The following NT5DC1 variants were observed in gnomAD, a reference collection of about 807,000 sequenced individuals.
NT5DC1 encodes 5'-nucleotidase domain-containing protein 1.
Under a neutral mutation model 59.4 loss-of-function variants are expected in NT5DC1, and 42 were observed. The observed-to-expected ratio is 0.71, with a 90% CI of 0.55 to 0.92. NT5DC1 has a LOEUF of 0.92. Among genes scored for constraint, NT5DC1 ranks in the 40% least tolerant of loss-of-function variants. The pLI is 0.00. For missense variants in NT5DC1, 501 were observed against 537.1 expected, an observed-to-expected ratio of 0.93 and a Z score of 0.66; for synonymous variants, 172 against 188.1, an observed-to-expected ratio of 0.91 and a Z score of 0.70.
At chr6:116,191,451 T>G (rs1435111563) in intron 6 of NT5DC1, among the ~76,000 whole-genome samples, 1 of 152,086 alleles carries the variant, frequency 6.6e-6, no homozygotes, top group African/African-American at 2.4e-5. Flanking sequence ...TGTTTTACAG[T>G]GTAAGAGGTT....
intron 6 of NT5DC1, among the ~76,000 whole-genome samples, chr6:116,179,463 A>G (rs1780825877): frequency 6.6e-6 from 1 of 152,138 alleles, no homozygotes; most frequent in Non-Finnish European, 1.5e-5. Flanking sequence ...ATCCTATCAA[A>G]AAGTAGGCTA....
chr6:116,125,776 G>T (rs1779283980), intron 6 of NT5DC1: 2 of 298,900 alleles, frequency 6.7e-6, no homozygotes, highest in African/African-American at 4.5e-5. Flanking sequence ...TTGGATGTCT[G>T]TATTAAATAA....
intron 6 of NT5DC1, among the ~76,000 whole-genome samples, chr6:116,126,286 T>C (rs1487232601): frequency 6.6e-6 from 1 of 152,206 alleles, no homozygotes; most frequent in African/African-American, 2.4e-5. Flanking sequence ...GGGCTCTCCT[T>C]TTCCTTGTTT....
At chr6:116,165,652 C>T (rs1338712704) in intron 6 of NT5DC1, among the ~76,000 whole-genome samples, 3 of 152,224 alleles carry the variant, frequency 2.0e-5, no homozygotes, top group African/African-American at 4.8e-5. Context: ...TACCAACCAC[C>T]AGTACCACCC....
chr6:116,218,435 GCT>G (rs1237916794), intron 6 of NT5DC1, among the ~76,000 whole-genome samples: 2 of 151,964 alleles, frequency 1.3e-5, no homozygotes, highest in Non-Finnish European at 2.9e-5. Flanking sequence ...TGCTACAAAA[GCT>G]TTGTTTTTCT....
chr6:116,146,510 C>T (rs1440554475), intron 6 of NT5DC1, among the ~76,000 whole-genome samples: 1 of 152,132 alleles, frequency 6.6e-6, no homozygotes, highest in Non-Finnish European at 1.5e-5. Flanking sequence ...TAGCTGGCCA[C>T]TTGGAACTTT....
intron 6 of NT5DC1, among the ~76,000 whole-genome samples, chr6:116,218,651 T>A (rs1281469925): frequency 6.6e-6 from 1 of 152,214 alleles, no homozygotes; most frequent in Non-Finnish European, 1.5e-5. Flanking sequence ...TTAATTTTTT[T>A]AAAGGGCTAT....
intron 8 of NT5DC1, among the ~76,000 whole-genome samples, chr6:116,227,718 T>C (rs1781936716): frequency 6.6e-6 from 1 of 152,266 alleles, no homozygotes; most frequent in Admixed American, 6.5e-5. Context: ...TGCTTAGTGA[T>C]GTTGAGCACT....
intron 6 of NT5DC1, among the ~76,000 whole-genome samples, chr6:116,180,247 A>G (rs1167990788): frequency 1.3e-5 from 2 of 152,078 alleles, no homozygotes; most frequent in South Asian, 2.1e-4. Flanking sequence ...CGTTTAGAGG[A>G]TGCAAGAGAA....
At chr6:116,157,330 G>A (rs1780221455) in intron 6 of NT5DC1, among the ~76,000 whole-genome samples, 1 of 152,108 alleles carries the variant, frequency 6.6e-6, no homozygotes. Context: ...CTTGGTTAGT[G>A]GAACCCTAGA....
chr6:116,147,367 G>A (rs1353148715), intron 6 of NT5DC1, among the ~76,000 whole-genome samples: 2 of 151,884 alleles, frequency 1.3e-5, no homozygotes, highest in African/African-American at 2.4e-5. Flanking sequence ...GCTTGAACCC[G>A]GGAGGCAGAG....
rs916664848 is a variant in NT5DC1 at position 116,248,265 on chromosome 6, A to G, written c.*4241A>G. ...CTGTTTTCTCAACTATTTAAATGGA[A>G]ATAATAAAACTTGTGTTACAAGGAT... is the stretch of plus-strand genomic sequence containing the variant. On this transcript the variant is annotated 3_prime_UTR_variant, in exon 12 of 12. Coordinates refer to ENST00000319550, the MANE Select transcript of NT5DC1 (RefSeq NM_152729.3). The G allele has an allele frequency of 6.6e-6, 1 of 152,194 alleles. No homozygotes were observed. The highest frequency in any genetic ancestry group is 2.4e-5 in the African/African-American group (1 of 41,454). 9.4% of individuals were successfully genotyped at this position (152,194 alleles called of 1,614,324 possible).
chr6:116,154,589 G>A (rs1352885467), intron 6 of NT5DC1, among the ~76,000 whole-genome samples: 2 of 152,146 alleles, frequency 1.3e-5, no homozygotes, highest in African/African-American at 4.8e-5. Context: ...GAACAGTGAG[G>A]TGGTGTTTAA....
chr6:116,243,886 T>A (rs749409501), intron 11 of NT5DC1, 23 bp from the exon 12 acceptor site: 1 of 919,858 alleles, frequency 1.1e-6, no homozygotes, highest in East Asian at 2.4e-5. Context: ...TGTGCAATAA[T>A]TAAATTTTTT....
chr6:116,129,597 CA>C (rs1779414005), intron 6 of NT5DC1, among the ~76,000 whole-genome samples: 1 of 152,190 alleles, frequency 6.6e-6, no homozygotes, highest in Non-Finnish European at 1.5e-5. Flanking sequence ...TGCGATACTA[CA>C]GCATGAACGC....
At position 116,238,972 on chromosome 6, in the gene NT5DC1, T is replaced by A; in HGVS notation, c.1101T>A (p.Pro367=). ...TGTTTCAGGGACCAAAAGCAAAACC[T>A]TTAAATACTTCATCTAAAAAATGGG... ...KGKYEGPKAK[P]LNTSSKKWGS... The change falls in exon 11 of 12, where the codon CCT becomes CCA. Residue 367 remains proline (P), a synonymous_variant. Coordinates refer to ENST00000319550, the MANE Select transcript of NT5DC1 (RefSeq NM_152729.3). 1 of 1,603,012 alleles carries A rather than the reference T, an allele frequency of 6.2e-7. No individual in the cohort carries two copies. The highest frequency in any genetic ancestry group is 1.1e-5 in the South Asian group (1 of 90,782).
At chr6:116,224,627 G>T (rs1781873463) in intron 8 of NT5DC1, among the ~76,000 whole-genome samples, 1 of 152,186 alleles carries the variant, frequency 6.6e-6, no homozygotes, top group Non-Finnish European at 1.5e-5. Context: ...TCAAATGAAT[G>T]CCAAGGCCCA....
chr6:116,230,610 T>A (rs1043968534), intron 8 of NT5DC1, among the ~76,000 whole-genome samples: 1 of 152,242 alleles, frequency 6.6e-6, no homozygotes, highest in Admixed American at 6.5e-5. Context: ...GATCACACTT[T>A]GAGTGGCATA....
At chr6:116,140,203 C>A (rs889963157) in intron 6 of NT5DC1, among the ~76,000 whole-genome samples, 2 of 152,164 alleles carry the variant, frequency 1.3e-5, no homozygotes, top group African/African-American at 2.4e-5. Flanking sequence ...TATTCCTCTT[C>A]TGTTTAATTT....
Sources: allele counts gnomAD v4.1 joint callset (sites outside exome capture counted in the v4.1 genomes callset), GRCh38; gene constraint gnomAD v4.1.1; transcripts MANE v1.5; gene names NCBI Gene and HGNC (gene_info 2026-07-23, HGNC 2026-07-21).